The following CACNA2D3 variants were observed in gnomAD, a reference collection of about 807,000 sequenced individuals.
CACNA2D3 encodes the protein calcium voltage-gated channel auxiliary subunit alpha2delta 3.
Under a neutral mutation model 160.6 loss-of-function variants are expected in CACNA2D3, and 60 were observed. That is an observed-to-expected ratio of 0.37 (90% CI 0.30 to 0.46). CACNA2D3 has a LOEUF of 0.46. Ranked by LOEUF, CACNA2D3 falls within the 20% of genes least tolerant of loss-of-function variation. CACNA2D3 has a pLI of 1.00. For synonymous variants in CACNA2D3, 558 were observed against 492.9 expected (o/e 1.13, Z -1.75); for missense variants, 1,205 against 1,365.0 (o/e 0.88, Z 1.85).
At chr3:54,205,376 A>G (rs372904830) in intron 2 of CACNA2D3, among the ~76,000 whole-genome samples, 2 of 152,318 alleles carry the variant, frequency 1.3e-5, no homozygotes, top group African/African-American at 4.8e-5. Context: ...TACAGGTGTG[A>G]TCCACTGCAC....
chr3:54,330,424 G>A (rs60793804), intron 3 of CACNA2D3, among the ~76,000 whole-genome samples: 1 of 152,048 alleles, frequency 6.6e-6, no homozygotes, highest in Non-Finnish European at 1.5e-5. Flanking sequence ...CTCATCCAGG[G>A]TCACGGTTGG....
At chr3:54,897,306 T>C (rs1015293839) in intron 26 of CACNA2D3, among the ~76,000 whole-genome samples, 3 of 152,228 alleles carry the variant, frequency 2.0e-5, no homozygotes, top group Non-Finnish European at 4.4e-5. Flanking sequence ...TGACTTTGTA[T>C]AACCATGTGC....
chr3:54,546,045 T>C (rs1265662889), intron 5 of CACNA2D3, among the ~76,000 whole-genome samples: 2 of 152,168 alleles, frequency 1.3e-5, no homozygotes, highest in Non-Finnish European at 2.9e-5. Context: ...TCCCCTATTC[T>C]GCCTCGGTAG....
At chr3:54,613,760 G>A (rs1463478871) in intron 9 of CACNA2D3, among the ~76,000 whole-genome samples, 2 of 152,090 alleles carry the variant, frequency 1.3e-5, no homozygotes, top group Non-Finnish European at 2.9e-5. Flanking sequence ...CTTTGCTCTG[G>A]ATTCCATGAC....
At chr3:54,975,830 G>A (rs190593696) in intron 29 of CACNA2D3, among the ~76,000 whole-genome samples, 172 of 152,182 alleles carry the variant, frequency 1.1e-3, no homozygotes, top group Middle Eastern at 3.4e-3. Context: ...TATGCCCAGG[G>A]AGTCTAGGAA....
At chr3:54,719,820 A>T (rs1054502170) in intron 11 of CACNA2D3, among the ~76,000 whole-genome samples, 1 of 152,038 alleles carries the variant, frequency 6.6e-6, no homozygotes, top group Non-Finnish European at 1.5e-5. Flanking sequence ...AATCACTTTA[A>T]TAGATGGAAG....
At chr3:54,762,094 G>A (rs1172771037) in intron 12 of CACNA2D3, among the ~76,000 whole-genome samples, 1 of 152,142 alleles carries the variant, frequency 6.6e-6, no homozygotes, top group Admixed American at 6.5e-5. Flanking sequence ...GAGGAAACAA[G>A]AATCTGTGTC....
chr3:54,144,900 G>A (rs954919918), intron 2 of CACNA2D3, among the ~76,000 whole-genome samples: 1 of 152,174 alleles, frequency 6.6e-6, no homozygotes, highest in African/African-American at 2.4e-5. Flanking sequence ...ATAGGAATTC[G>A]ATTCATTTAA....
chr3:54,232,115 T>G (rs890642405), intron 2 of CACNA2D3, among the ~76,000 whole-genome samples: 6 of 152,208 alleles, frequency 3.9e-5, no homozygotes, highest in African/African-American at 9.7e-5. Flanking sequence ...TTTATATATA[T>G]GATACACAGG....
intron 5 of CACNA2D3, among the ~76,000 whole-genome samples, chr3:54,548,865 C>T (rs1051778311): frequency 2.6e-5 from 4 of 152,250 alleles, no homozygotes; most frequent in African/African-American, 9.6e-5. Context: ...ATCTTCTCTT[C>T]TTCCTCACTC....
intron 27 of CACNA2D3, among the ~76,000 whole-genome samples, chr3:54,937,197 A>G (rs62254559): frequency 0.022 from 3,386 of 152,278 alleles, 51 homozygotes; most frequent in Non-Finnish European, 0.035. Context: ...TTCTTTCTTG[A>G]TGAAAGAAGT....
chr3:54,376,092 C>G (rs1310004186), intron 3 of CACNA2D3, among the ~76,000 whole-genome samples: 1 of 152,074 alleles, frequency 6.6e-6, no homozygotes, highest in Non-Finnish European at 1.5e-5. Context: ...GTCTTATGGC[C>G]CATGAGACCT....
intron 2 of CACNA2D3, among the ~76,000 whole-genome samples, chr3:54,252,825 A>C (rs1338251070): frequency 6.6e-6 from 1 of 152,154 alleles, no homozygotes; most frequent in East Asian, 1.9e-4. Flanking sequence ...AGGGGTGTTG[A>C]GGCCGGGAAG....
chr3:54,559,554 A>C (rs374452088), intron 5 of CACNA2D3, among the ~76,000 whole-genome samples: 15 of 152,050 alleles, frequency 9.9e-5, no homozygotes, highest in African/African-American at 3.6e-4. Context: ...CGGCCTCCCA[A>C]AGTGCTGGGA....
intron 2 of CACNA2D3, among the ~76,000 whole-genome samples, chr3:54,271,904 T>C (rs975951315): frequency 6.6e-6 from 1 of 152,176 alleles, no homozygotes; most frequent in African/African-American, 2.4e-5. Context: ...CTGTGGAAAA[T>C]ATAAAAGTTA....
chr3:54,336,790 T>G (rs552615131), intron 3 of CACNA2D3, among the ~76,000 whole-genome samples: 1 of 152,292 alleles, frequency 6.6e-6, no homozygotes, highest in African/African-American at 2.4e-5. Flanking sequence ...CACACTGATC[T>G]TGAGCGAAAC....
intron 18 of CACNA2D3, among the ~76,000 whole-genome samples, chr3:54,872,991 T>G (rs1356203566): frequency 6.6e-6 from 1 of 152,066 alleles, no homozygotes; most frequent in East Asian, 1.9e-4. Flanking sequence ...CACTCAGGTT[T>G]TAGACTCCTG....
intron 2 of CACNA2D3, among the ~76,000 whole-genome samples, chr3:54,247,420 C>A (rs1456076067): frequency 6.6e-6 from 1 of 151,932 alleles, no homozygotes; most frequent in Non-Finnish European, 1.5e-5. Flanking sequence ...TAAATCAAAA[C>A]AGAAAAATCT....
chr3:54,250,606 A>G (rs936202556), intron 2 of CACNA2D3, among the ~76,000 whole-genome samples: 1 of 152,002 alleles, frequency 6.6e-6, no homozygotes, highest in African/African-American at 2.4e-5. Flanking sequence ...GCTAATTTTT[A>G]AATTTTTTTT....
Sources: allele counts gnomAD v4.1 joint callset (sites outside exome capture counted in the v4.1 genomes callset), GRCh38; gene constraint gnomAD v4.1.1; transcripts MANE v1.5; gene names NCBI Gene and HGNC (gene_info 2026-07-23, HGNC 2026-07-21).